Variants in CCDC93 observed in about 807,000 individuals in gnomAD.
CCDC93 encodes CCC complex scaffolding subunit CCDC93.
CCDC93 carries 61 observed loss-of-function variants against 108.2 expected under a neutral mutation model. The observed-to-expected ratio is 0.56, with a 90% CI of 0.46 to 0.70. CCDC93 has a LOEUF of 0.70. Ranked by LOEUF, CCDC93 falls within the 30% of genes least tolerant of loss-of-function variation. The probability of loss-of-function intolerance (pLI) is 0.00; values close to 1 mark genes in which losing one functional copy is unlikely to be tolerated. For missense variants in CCDC93, 685 were observed against 764.2 expected (o/e 0.90, Z 1.22); for synonymous variants, 276 against 260.4 (o/e 1.06, Z -0.58).
chr2:117,968,728 T>A lies in CCDC93; in HGVS notation c.888+5180A>T, dbSNP rs74809194. 5.5e-3 allele frequency among the ~76,000 whole-genome samples: 845 copies of A among 152,296 alleles called. 8 individuals are homozygous for A. Among genetic ancestry groups the A allele is most frequent in the African/African-American group, 0.019 (808 of 41,562 alleles). On this transcript the variant is annotated intron_variant, in intron 11 of 23. Coordinates refer to ENST00000376300, the MANE Select transcript of CCDC93 (RefSeq NM_019044.5). ...CACATCTGGCAGGCTATTCAATTTA[T>A]TCCCTGGTCACAAAATCATTTTTAC...
At chr2:117,992,043 A>G (rs1243551041) in intron 6 of CCDC93, among the ~76,000 whole-genome samples, 1 of 152,190 alleles carries the variant, frequency 6.6e-6, no homozygotes, top group Non-Finnish European at 1.5e-5. Context: ...CTACGCAGAC[A>G]GCTCCTGGAA....
intron 21 of CCDC93, 131 bp from the exon 22 acceptor site, chr2:117,935,710 G>C (rs1205346732): frequency 1.9e-6 from 1 of 537,366 alleles, no homozygotes; most frequent in Non-Finnish European, 3.2e-6. Flanking sequence ...ACGCACAGTG[G>C]AGCCACGGGG....
At chr2:118,011,104 A>G (rs188245315) in intron 1 of CCDC93, among the ~76,000 whole-genome samples, 124 of 152,332 alleles carry the variant, frequency 8.1e-4, no homozygotes, top group African/African-American at 2.8e-3. Context: ...CCAAGGACAC[A>G]CTTATTAAAT....
At chr2:117,934,642 G>GTT (rs1678465236) in intron 22 of CCDC93, 1 of 153,040 alleles carries the variant, frequency 6.5e-6, no homozygotes, top group South Asian at 2.1e-4. Context: ...CAACTTGAAT[G>GTT]TTTGTCTTCT....
chr2:117,999,220 A>G (rs1680758965), intron 4 of CCDC93: 1 of 152,190 alleles, frequency 6.6e-6, no homozygotes, highest in Non-Finnish European at 1.5e-5. Flanking sequence ...TCTTGACCCT[A>G]TATTTCAAAA....
intron 6 of CCDC93, among the ~76,000 whole-genome samples, 165 bp from the exon 7 acceptor site, chr2:117,986,234 G>A (rs559347547): frequency 3.5e-5 from 5 of 142,732 alleles, no homozygotes; most frequent in East Asian, 2.1e-4. Context: ...GCGCGATCTC[G>A]GCTCACTGCC....
chr2:117,929,328 GAA>G (rs1267655577), intron 23 of CCDC93, among the ~76,000 whole-genome samples: 3 of 152,288 alleles, frequency 2.0e-5, no homozygotes, highest in Non-Finnish European at 4.4e-5. Context: ...TGGACTGAAG[GAA>G]AGAGGCCTGG....
intron 11 of CCDC93, among the ~76,000 whole-genome samples, chr2:117,962,381 C>T (rs151287004): frequency 5.1e-4 from 78 of 152,310 alleles, no homozygotes; most frequent in African/African-American, 1.7e-3. Context: ...CAGTGGCTCG[C>T]GCCTGTAATC....
intron 22 of CCDC93, among the ~76,000 whole-genome samples, chr2:117,934,308 G>A (rs1268370092): frequency 6.6e-6 from 1 of 152,178 alleles, no homozygotes; most frequent in Non-Finnish European, 1.5e-5. Context: ...GGTTGTCAGA[G>A]GCTTTTGGTC....
intron 12 of CCDC93, among the ~76,000 whole-genome samples, chr2:117,956,952 A>T (rs900398988): frequency 6.6e-6 from 1 of 150,874 alleles, no homozygotes; most frequent in East Asian, 1.9e-4. Context: ...GTGCAACAGC[A>T]TGATCTCGGC....
intron 8 of CCDC93, among the ~76,000 whole-genome samples, chr2:117,977,313 G>GA (rs1679973940): frequency 6.6e-6 from 1 of 152,016 alleles, no homozygotes; most frequent in Non-Finnish European, 1.5e-5. Context: ...TGTGACCTTG[G>GA]AAAAATCACT....
intron 23 of CCDC93, among the ~76,000 whole-genome samples, chr2:117,928,681 C>T (rs1678212511): frequency 6.6e-6 from 1 of 152,124 alleles, no homozygotes; most frequent in Admixed American, 6.5e-5. Context: ...ACTAGTTCAA[C>T]CATTGTGGAA....
At chr2:117,940,660 G>A (rs560554227) in intron 19 of CCDC93, among the ~76,000 whole-genome samples, 12 of 152,358 alleles carry the variant, frequency 7.9e-5, no homozygotes, top group Non-Finnish European at 1.0e-4. Context: ...TATGATGCAA[G>A]AGCAGATGTG....
chr2:117,982,669 C>T (rs1488392252), intron 7 of CCDC93, among the ~76,000 whole-genome samples: 3 of 150,942 alleles, frequency 2.0e-5, no homozygotes, highest in Non-Finnish European at 3.0e-5. Flanking sequence ...AAAATACTTT[C>T]CCCCTGACAA....
At chr2:117,946,146 C>T (rs542912026) in intron 16 of CCDC93, among the ~76,000 whole-genome samples, 1 of 152,260 alleles carries the variant, frequency 6.6e-6, no homozygotes, top group South Asian at 2.1e-4. Context: ...GTGTCCTGTA[C>T]AGCCATGGGC....
rs555940800 is a variant in CCDC93, at chr2:117,937,369, A to G, written c.1606-630T>C. On this transcript the variant is annotated intron_variant, in intron 20 of 23. Transcript: ENST00000376300. ...AACCTGGGTCATCTTTCTGGCCATA[A>G]AACTACTCAATTTGGGGCCTCAGAA... Among the ~76,000 whole-genome samples, 3 of 152,268 alleles carry G rather than the reference A, an allele frequency of 2.0e-5. No homozygotes were observed. In the South Asian group the frequency reaches 6.2e-4, roughly 32 times the overall value.
Position 117,995,473 on chromosome 2 carries a change from C to T in CCDC93, c.492G>A (p.Lys164=), listed in dbSNP as rs985326993. 1 of 1,613,446 alleles carries T rather than the reference C, an allele frequency of 6.2e-7. No homozygotes were observed. The highest frequency in any genetic ancestry group is 8.5e-7 in the Non-Finnish European group (1 of 1,179,492). The stretch of plus-strand genomic sequence containing the variant: ...AGAGGTCCACAACTGTCTTGATGGC[C>T]TTTTCTTTTCTCTTTATGAAGTCAT... ...EDDDFIKRKE[K]AIKTVVDLSE... is the part of the protein sequence containing the mutation. The change falls in exon 6 of 24, where the codon AAG becomes AAA. Residue 164 remains lysine, a synonymous_variant. Transcript: ENST00000376300.
intron 12 of CCDC93, among the ~76,000 whole-genome samples, chr2:117,955,193 T>C (rs771040388): frequency 2.0e-5 from 3 of 152,224 alleles, no homozygotes; most frequent in East Asian, 1.9e-4. Context: ...AAAGCACTTA[T>C]TAGCCATTAC....
chr2:118,010,747 C>T (rs10183695), intron 1 of CCDC93, among the ~76,000 whole-genome samples: 43,446 of 152,078 alleles, frequency 0.29, 6,685 homozygotes, highest in African/African-American at 0.38. Flanking sequence ...GATCTTTGGC[C>T]ACCAAACTAT....
Sources: gnomAD v4.1 joint callset for allele counts (sites outside exome capture counted in the v4.1 genomes callset) on GRCh38, gnomAD v4.1.1 for gene constraint, MANE v1.5 for transcripts, NCBI Gene and HGNC (gene_info 2026-07-23, HGNC 2026-07-21) for gene names.